SBNO1: variants seen among roughly 807,000 people sequenced by gnomAD.
The protein encoded by SBNO1 is protein strawberry notch homolog 1.
SBNO1 carries 23 observed loss-of-function variants against 173.6 expected under a neutral mutation model. That is an observed-to-expected ratio of 0.13 (90% CI 0.10 to 0.19). The LOEUF is 0.19. Among genes scored for constraint, SBNO1 ranks in the 10% least tolerant of loss-of-function variants. The pLI, the probability that SBNO1 is intolerant of heterozygous loss-of-function variation, is 1.00. For synonymous variants in SBNO1, 632 were observed against 571.5 expected (o/e 1.11, Z -1.51); for missense variants, 1,238 against 1,671.2 (o/e 0.74, Z 4.52).
At chr12:123,337,699 A>G (rs1007016301) in intron 5 of SBNO1, among the ~76,000 whole-genome samples, 1 of 152,198 alleles carries the variant, frequency 6.6e-6, no homozygotes, top group Non-Finnish European at 1.5e-5. Context: ...GGCCAAATGA[A>G]TAGATTTGAA....
At chr12:123,351,309 T>C (rs1211729376) in intron 1 of SBNO1, among the ~76,000 whole-genome samples, 6 of 152,160 alleles carry the variant, frequency 3.9e-5, no homozygotes, top group African/African-American at 7.2e-5. Context: ...AGTTTTCCGA[T>C]TGAGGACTAC....
At chr12:123,363,921 A>G in intron 1 of SBNO1, 1 of 985,480 alleles carries the variant, frequency 1.0e-6, no homozygotes, top group Non-Finnish European at 1.2e-6. Flanking sequence ...CTCAGCGGTT[A>G]AACCGACCCC....
Position 123,302,874 on chromosome 12 carries a change from G to A in SBNO1, c.3795C>T (p.His1265=). The A allele has an allele frequency of 6.2e-7, 1 of 1,613,196 alleles. No homozygotes were observed. Among genetic ancestry groups the A allele is most frequent in the Non-Finnish European group, 8.5e-7 (1 of 1,179,182 alleles). ...KKVVSDDALM[H]WLDQYNSSAD... is the part of the protein sequence containing the mutation. The stretch of plus-strand genomic sequence containing the variant: ...CAGATGAATTATACTGATCTAACCA[G>A]TGCATCAGGGCATCATCTGAGACGA... Residue 1265 remains histidine, a synonymous_variant, in exon 30 of 32, where the codon CAC becomes CAT. Transcript: ENST00000602398.
At chr12:123,341,207 T>C (rs111737086) in intron 4 of SBNO1, 119 bp from the exon 5 acceptor site, 3 of 591,506 alleles carry the variant, frequency 5.1e-6, no homozygotes, top group African/African-American at 3.9e-5. Context: ...CCCAGCATTT[T>C]TGGGACACCA....
rs558222297 is a variant in SBNO1 at position 123,337,705 on chromosome 12, T to C, written c.652-1214A>G. Among the ~76,000 whole-genome samples, 11 of 152,298 alleles carry C rather than the reference T, an allele frequency of 7.2e-5. 1 individual carries two copies. The East Asian group carries it at 7.7e-4, about 11-fold the overall frequency. ...AACAGGACTGGCCAAATGAATAGATTTGAATCCCAATTCTGCTGTTATTTA... is the reference window on the plus strand; with the variant it reads ...AACAGGACTGGCCAAATGAATAGATCTGAATCCCAATTCTGCTGTTATTTA... On this transcript the variant is annotated intron_variant, in intron 5 of 31. Coordinates refer to ENST00000602398, the MANE Select transcript of SBNO1 (RefSeq NM_001167856.3).
chr12:123,325,122 T>C lies in SBNO1; in HGVS notation c.1973+380A>G, dbSNP rs148563328. The stretch of plus-strand genomic sequence containing the variant: ...CACCATGCTCAGCCAACTTATAAAG[T>C]AGACTTCGTTATATTAGGACAAACT... On this transcript the variant is annotated intron_variant, in intron 15 of 31. Transcript: ENST00000602398. 5.0e-3 allele frequency among the ~76,000 whole-genome samples: 766 copies of C among 152,270 alleles called. 3 individuals carry two copies. The highest frequency in any genetic ancestry group is 9.5e-3 in the Admixed American group (145 of 15,284).
At chr12:123,349,326 T>A (rs1443134957) in intron 2 of SBNO1, among the ~76,000 whole-genome samples, 1 of 152,092 alleles carries the variant, frequency 6.6e-6, no homozygotes, top group Non-Finnish European at 1.5e-5. Context: ...GGTCTCAAAC[T>A]CCTGGGCTCA....
chr12:123,342,642 C>T (rs1593396198), intron 4 of SBNO1, among the ~76,000 whole-genome samples: 1 of 152,164 alleles, frequency 6.6e-6, no homozygotes, highest in South Asian at 2.1e-4. Flanking sequence ...TTCTTCTATA[C>T]CACTGGTTTT....
intron 1 of SBNO1, among the ~76,000 whole-genome samples, chr12:123,358,825 G>A (rs951764512): frequency 6.6e-6 from 1 of 151,104 alleles, no homozygotes; most frequent in Non-Finnish European, 1.5e-5. Flanking sequence ...AAATTCAGAA[G>A]GTCTGACACC....
In SBNO1 at chr12:123,323,583, T is replaced by G; in HGVS notation, c.2125+97A>C. 5.2e-6 allele frequency: 4 copies of G among 768,128 alleles called. No homozygotes were observed. The South Asian group carries it at 8.6e-5, about 16-fold the overall frequency. The allele number at this position is 768,128 out of a possible 1,614,324, so 47.6% of individuals were successfully genotyped here. ...GTTAGCCAGGATGGTCTCGATCTCC[T>G]GACCTCGTGATCTGCCCACCTCAGC... On this transcript the variant is annotated intron_variant, in intron 16 of 31. Coordinates refer to ENST00000602398, the MANE Select transcript of SBNO1 (RefSeq NM_001167856.3).
chr12:123,310,994 T>A (rs1868418274), intron 25 of SBNO1, 61 bp downstream of exon 25: 27 of 1,234,408 alleles, frequency 2.2e-5, no homozygotes, highest in Non-Finnish European at 3.0e-5. Context: ...AAAGCATATA[T>A]CATAATGGAC....
At chr12:123,358,152 A>G (rs1048938805) in intron 1 of SBNO1, among the ~76,000 whole-genome samples, 6 of 152,248 alleles carry the variant, frequency 3.9e-5, no homozygotes, top group Non-Finnish European at 8.8e-5. Context: ...CTTATGTTTC[A>G]TATACACCAG....
intron 24 of SBNO1, among the ~76,000 whole-genome samples, chr12:123,312,094 T>C (rs1394725421): frequency 6.6e-6 from 1 of 151,730 alleles, no homozygotes; most frequent in Non-Finnish European, 1.5e-5. Flanking sequence ...TTTTTTTTTT[T>C]TCTGAGACAG....
rs1209193261 is a variant in SBNO1, at chr12:123,328,902, A to G, written c.1135-7T>C. On this transcript the variant is annotated splice_polypyrimidine_tract_variant and splice_region_variant and intron_variant, in intron 9 of 31. Coordinates refer to ENST00000602398, the MANE Select transcript of SBNO1 (RefSeq NM_001167856.3). Reference sequence around the variant, plus strand: ...AAATTTTTCCGTATTTAAACTAAAAAAGAAAAGAAAAGAATTTAGTTAATT... The same window carrying G: ...AAATTTTTCCGTATTTAAACTAAAAGAGAAAAGAAAAGAATTTAGTTAATT... 1 of 1,460,986 alleles carries G rather than the reference A, an allele frequency of 6.8e-7. No individual in the cohort carries two copies. The highest frequency in any genetic ancestry group is 1.3e-5 in the South Asian group (1 of 79,370). The allele number at this position is 1,460,986 out of a possible 1,614,324, so 90.5% of individuals were successfully genotyped here.
chr12:123,320,614 A>G lies in SBNO1; in HGVS notation c.2492-7T>C, dbSNP rs751791606. The G allele has an allele frequency of 1.2e-6, 2 of 1,604,918 alleles. No homozygotes were observed. The highest frequency in any genetic ancestry group is 1.3e-5 in the African/African-American group (1 of 74,350). On this transcript the variant is annotated splice_region_variant and splice_polypyrimidine_tract_variant and intron_variant, in intron 18 of 31. Coordinates refer to ENST00000602398, the MANE Select transcript of SBNO1 (RefSeq NM_001167856.3). ...CTGTTGGTGTTACTGTTAGCTAGAT[A>G]AAGAACATTTGCTAAAAGTTAGTAC...
chr12:123,306,777 AG>A (rs1249511209), intron 28 of SBNO1, among the ~76,000 whole-genome samples: 4 of 151,218 alleles, frequency 2.6e-5, no homozygotes, highest in Non-Finnish European at 5.9e-5. Flanking sequence ...ATTACACTAC[AG>A]TTTTAAAAAA....
At chr12:123,358,742 C>CAAAAAAAAAAAAAAAAAAAAAAAAA (rs1164585887) in intron 1 of SBNO1, among the ~76,000 whole-genome samples, 1 of 78,426 alleles carries the variant, frequency 1.3e-5, no homozygotes, top group Non-Finnish European at 2.2e-5. Flanking sequence ...GACTCCGTCT[C>CAAAAAAAAAAAAAAAAAAAAAAAAA]AAAAAAAAAA....
intron 30 of SBNO1, 60 bp downstream of exon 30, chr12:123,302,764 G>A: frequency 1.0e-6 from 1 of 970,132 alleles, no homozygotes; most frequent in Non-Finnish European, 1.7e-6. Context: ...AAAGAGTGAA[G>A]GTGTATTTAA....
At chr12:123,354,172 G>A (rs1057051084) in intron 1 of SBNO1, among the ~76,000 whole-genome samples, 2 of 152,102 alleles carry the variant, frequency 1.3e-5, no homozygotes, top group African/African-American at 4.8e-5. Flanking sequence ...AACATTATCG[G>A]TGACCAGCTT....
Sources: allele counts gnomAD v4.1 joint callset (sites outside exome capture counted in the v4.1 genomes callset), GRCh38; gene constraint gnomAD v4.1.1; transcripts MANE v1.5; gene names NCBI Gene and HGNC (gene_info 2026-07-23, HGNC 2026-07-21).